The following FBXL17 variants were observed in gnomAD, a reference collection of about 807,000 sequenced individuals.
FBXL17 encodes the protein F-box and leucine rich repeat protein 17.
In FBXL17, 22 loss-of-function variants were observed where a neutral mutation model predicts 66.2. That is an observed-to-expected ratio of 0.33 (90% CI 0.24 to 0.47). The LOEUF (loss-of-function observed/expected upper bound fraction) is 0.47. Among genes scored for constraint, FBXL17 ranks in the 20% least tolerant of loss-of-function variants. The probability of loss-of-function intolerance (pLI) is 1.00; values close to 1 mark genes in which losing one functional copy is unlikely to be tolerated. For synonymous variants in FBXL17, 474 were observed against 400.5 expected (o/e 1.18, Z -2.19); for missense variants, 878 against 948.2 (o/e 0.93, Z 0.97).
At chr5:108,237,295 T>G (rs1268181980) in intron 4 of FBXL17, among the ~76,000 whole-genome samples, 2 of 152,194 alleles carry the variant, frequency 1.3e-5, no homozygotes, top group Admixed American at 1.3e-4. Context: ...TGAGGTACAG[T>G]CTCTGCCTCC....
intron 7 of FBXL17, among the ~76,000 whole-genome samples, chr5:107,942,295 G>A (rs1751132203): frequency 6.6e-6 from 1 of 152,170 alleles, no homozygotes; most frequent in Non-Finnish European, 1.5e-5. Flanking sequence ...AGGTGGAGGG[G>A]AGAGACCATG....
intron 7 of FBXL17, among the ~76,000 whole-genome samples, chr5:107,971,181 C>T (rs1752358055): frequency 2.0e-5 from 3 of 152,136 alleles, no homozygotes; most frequent in African/African-American, 4.8e-5. Context: ...AAAACTTCAC[C>T]AGGCAGAACT....
chr5:108,224,273 T>C (rs1199307532), intron 4 of FBXL17, 45 bp from the exon 5 acceptor site: 1 of 1,161,004 alleles, frequency 8.6e-7, no homozygotes, highest in African/African-American at 1.5e-5. Context: ...AATAGTCCAG[T>C]GAACTCAAGG....
At chr5:108,090,809 C>G (rs1409595914) in intron 6 of FBXL17, among the ~76,000 whole-genome samples, 1 of 152,206 alleles carries the variant, frequency 6.6e-6, no homozygotes, top group Admixed American at 6.5e-5. Flanking sequence ...CTCTATCTCA[C>G]AAGACTTACC....
chr5:108,145,863 T>A (rs1240032701), intron 6 of FBXL17, among the ~76,000 whole-genome samples: 1 of 149,198 alleles, frequency 6.7e-6, no homozygotes, highest in African/African-American at 2.5e-5. Flanking sequence ...CATTACAATG[T>A]AGAGATAATC....
At chr5:108,353,925 T>G (rs1747799004) in intron 3 of FBXL17, among the ~76,000 whole-genome samples, 1 of 152,226 alleles carries the variant, frequency 6.6e-6, no homozygotes, top group African/African-American at 2.4e-5. Flanking sequence ...AGGTTGCGTA[T>G]CCCTTATCCA....
intron 4 of FBXL17, among the ~76,000 whole-genome samples, chr5:108,273,614 T>G (rs1177673009): frequency 6.6e-6 from 1 of 151,574 alleles, no homozygotes; most frequent in Non-Finnish European, 1.5e-5. Context: ...CCCTAAATGC[T>G]TTTATTATTC....
At chr5:108,086,411 T>C (rs937137849) in intron 6 of FBXL17, among the ~76,000 whole-genome samples, 7 of 152,226 alleles carry the variant, frequency 4.6e-5, no homozygotes, top group African/African-American at 7.2e-5. Flanking sequence ...CTATTCTTCA[T>C]CAAACCTAAG....
chr5:108,162,165 C>T (rs941475073), intron 6 of FBXL17, among the ~76,000 whole-genome samples: 3 of 152,166 alleles, frequency 2.0e-5, no homozygotes, highest in African/African-American at 7.2e-5. Flanking sequence ...ATGTTCTACT[C>T]ACTGCTTTAT....
chr5:108,368,178 G>A (rs1466746024), intron 1 of FBXL17, among the ~76,000 whole-genome samples: 1 of 151,366 alleles, frequency 6.6e-6, no homozygotes, highest in Non-Finnish European at 1.5e-5. Flanking sequence ...GAGGGGAAGA[G>A]AACAGGCATG....
chr5:108,093,304 T>C (rs1749254706), intron 6 of FBXL17, among the ~76,000 whole-genome samples: 1 of 151,728 alleles, frequency 6.6e-6, no homozygotes, highest in Non-Finnish European at 1.5e-5. Context: ...GAGTAGTTTG[T>C]TGCAGACGGT....
chr5:108,276,940 C>CT (rs543703686), intron 4 of FBXL17, among the ~76,000 whole-genome samples: 324 of 149,056 alleles, frequency 2.2e-3, no homozygotes, highest in African/African-American at 2.7e-3. Context: ...AATTAGAGGA[C>CT]TTTTTTTTTT....
chr5:108,020,240 C>T (rs1291707045), intron 7 of FBXL17, among the ~76,000 whole-genome samples: 2 of 151,802 alleles, frequency 1.3e-5, no homozygotes, highest in Non-Finnish European at 2.9e-5. Flanking sequence ...CTGCTTAAAA[C>T]TCTGTAATTA....
chr5:108,011,312 T>C lies in FBXL17; in HGVS notation c.1822+9613A>G, dbSNP rs148421278. Among the ~76,000 whole-genome samples the C allele has an allele frequency of 6.4e-4, 98 of 152,314 alleles. No homozygotes were observed. In the East Asian group the frequency reaches 0.018, roughly 27 times the overall value. ...ACAGCACTTGGGAATAGAAGACATATGGTTTGATACTTTAGAAGAAAGGGA... is the reference window on the plus strand; with the variant it reads ...ACAGCACTTGGGAATAGAAGACATACGGTTTGATACTTTAGAAGAAAGGGA... On this transcript the variant is annotated intron_variant, in intron 7 of 8. Coordinates refer to ENST00000542267, the MANE Select transcript of FBXL17 (RefSeq NM_001163315.3).
chr5:107,954,647 A>G (rs954119203), intron 7 of FBXL17, among the ~76,000 whole-genome samples: 6 of 152,250 alleles, frequency 3.9e-5, no homozygotes, highest in African/African-American at 1.4e-4. Flanking sequence ...TTGACATACC[A>G]TGGCATATTC....
chr5:108,344,835 TA>T (rs1747156587), intron 4 of FBXL17, among the ~76,000 whole-genome samples: 1 of 152,202 alleles, frequency 6.6e-6, no homozygotes, highest in African/African-American at 2.4e-5. Flanking sequence ...GCATGCACTA[TA>T]CAAAAGTGAT....
At chr5:107,969,275 C>T (rs1234672704) in intron 7 of FBXL17, among the ~76,000 whole-genome samples, 1 of 152,108 alleles carries the variant, frequency 6.6e-6, no homozygotes, top group Non-Finnish European at 1.5e-5. Context: ...GGACATGGCA[C>T]ATTTGACTCA....
chr5:107,934,120 T>C (rs1750819377), intron 7 of FBXL17, among the ~76,000 whole-genome samples: 1 of 152,172 alleles, frequency 6.6e-6, no homozygotes. Flanking sequence ...TCTCTCATAA[T>C]TGACTCTAAT....
intron 3 of FBXL17, among the ~76,000 whole-genome samples, chr5:108,351,882 G>A (rs188513745): frequency 6.6e-6 from 1 of 152,388 alleles, no homozygotes; most frequent in East Asian, 1.9e-4. Context: ...GCATGGACAA[G>A]TTGGTAGAAC....
Sources: gnomAD v4.1 joint callset for allele counts (sites outside exome capture counted in the v4.1 genomes callset) on GRCh38, gnomAD v4.1.1 for gene constraint, MANE v1.5 for transcripts, NCBI Gene and HGNC (gene_info 2026-07-23, HGNC 2026-07-21) for gene names.